The following DLGAP3 variants were observed in gnomAD, a reference collection of about 807,000 sequenced individuals.
The protein encoded by DLGAP3 is DLG associated protein 3.
Under a neutral mutation model 81.2 loss-of-function variants are expected in DLGAP3, and 17 were observed. The observed-to-expected ratio is 0.21, with a 90% CI of 0.14 to 0.31. DLGAP3 has a LOEUF of 0.31. Ranked by LOEUF, DLGAP3 falls within the 10% of genes least tolerant of loss-of-function variation. The pLI, the probability that DLGAP3 is intolerant of heterozygous loss-of-function variation, is 1.00. For missense variants in DLGAP3, 1,124 were observed against 1,388.0 expected (o/e 0.81, Z 3.02); for synonymous variants, 577 against 587.4 (o/e 0.98, Z 0.26).
At chr1:34,917,839 T>C (rs1053773167) in intron 1 of DLGAP3, among the ~76,000 whole-genome samples, 1 of 152,204 alleles carries the variant, frequency 6.6e-6, no homozygotes, top group African/African-American at 2.4e-5. Context: ...GATCCAGTAC[T>C]AGGCCCAGGT....
rs1201791723 is a variant in DLGAP3 at position 34,867,166 on chromosome 1, G to T, written c.2603C>A (p.Thr868Asn). ...SMDPTAFPVPTFQDLAGFWDL... is the reference protein window; with the variant it reads ...SMDPTAFPVPNFQDLAGFWDL... The stretch of plus-strand genomic sequence containing the variant: ...CCAGAAACCCGCCAGGTCCTGGAAG[G>T]TGGGCACAGGGAACGCAGTGGGATC... The change falls in exon 11 of 12, where the codon ACC (threonine) becomes AAC (asparagine). Residue 868 changes from threonine (T) to asparagine (N), a missense_variant. By Grantham distance (65) the Thr-to-Asn change is moderately conservative. This residue lies in a region of DLGAP3 where 133 missense variants were observed against 171.1 expected (regional missense o/e 0.78). Coordinates refer to ENST00000373347, the MANE Select transcript of DLGAP3 (RefSeq NM_001080418.3). This position sits in a 1 kb window ranked among gnomAD's most constrained non-coding sequence, Gnocchi z 4.3. 1.9e-6 allele frequency: 3 copies of T among 1,614,102 alleles called. No homozygotes were observed. In the African/African-American group the frequency reaches 4.0e-5, roughly 22 times the overall value.
intron 8 of DLGAP3, among the ~76,000 whole-genome samples, chr1:34,878,846 G>A (rs1441546266): frequency 6.6e-6 from 1 of 152,042 alleles, no homozygotes; most frequent in Admixed American, 6.6e-5. Flanking sequence ...CGAGGCGGGC[G>A]GATCACGAGG....
chr1:34,912,706 T>C (rs1444365799), intron 1 of DLGAP3, among the ~76,000 whole-genome samples: 1 of 152,126 alleles, frequency 6.6e-6, no homozygotes, highest in Non-Finnish European at 1.5e-5. Context: ...TCCCACAGTT[T>C]TAGGCTTTGT....
chr1:34,890,338 T>G (rs956108339), intron 5 of DLGAP3, among the ~76,000 whole-genome samples: 4 of 152,224 alleles, frequency 2.6e-5, no homozygotes, highest in African/African-American at 9.6e-5. Context: ...AAATTTCCAT[T>G]GAAGGTGAGT....
intron 1 of DLGAP3, among the ~76,000 whole-genome samples, chr1:34,915,860 A>G (rs1390045848): frequency 6.6e-6 from 1 of 152,092 alleles, no homozygotes; most frequent in Non-Finnish European, 1.5e-5. Context: ...TGTCCTCCCA[A>G]CCTTAAACCC....
intron 5 of DLGAP3, among the ~76,000 whole-genome samples, chr1:34,894,772 G>C (rs893401446): frequency 6.6e-6 from 1 of 152,088 alleles, no homozygotes; most frequent in Non-Finnish European, 1.5e-5. Context: ...GGTAAAGTGA[G>C]GAGTAAAAAA....
chr1:34,886,058 G>T lies in DLGAP3; in HGVS notation c.1600+14C>A. 6.3e-7 allele frequency: 1 copy of T among 1,589,522 alleles called. No individual in the cohort carries two copies. The highest frequency in any genetic ancestry group is 8.5e-7 in the Non-Finnish European group (1 of 1,169,606). ...CTGCCTAGGGCCGGGCCAGGGGCAG[G>T]AAGGTGTACTCACAGGAGCCGGGCC... On this transcript the variant is annotated intron_variant, in intron 6 of 11. Transcript: ENST00000373347.
Position 34,904,917 on chromosome 1 carries a change from G to C in DLGAP3, c.467C>G (p.Thr156Arg). The change falls in exon 3 of 12, where the codon ACG (threonine) becomes AGG (arginine). Residue 156 changes from threonine to arginine, a missense_variant. Physicochemically the swap from Thr to Arg is moderately conservative, Grantham distance 71. Around this residue, in one of 9 missense-constraint regions of DLGAP3, gnomAD observed 65 missense variants for 78.2 expected, o/e 0.83. Coordinates refer to ENST00000373347, the MANE Select transcript of DLGAP3 (RefSeq NM_001080418.3). This position sits in a 1 kb window ranked among gnomAD's most constrained non-coding sequence, Gnocchi z 8.1. Reference protein sequence around the residue: ...AGAGPGPAPGTGTAPEPRSES... With the variant: ...AGAGPGPAPGRGTAPEPRSES... ...ACTGCGGGGCTCTGGGGCAGTGCCC[G>C]TCCCTGGCGCTGGCCCGGGCCCTGC... 1 of 1,611,986 alleles carries C rather than the reference G, an allele frequency of 6.2e-7. No individual in the cohort carries two copies. Among genetic ancestry groups the C allele is most frequent in the South Asian group, 1.1e-5 (1 of 91,076 alleles).
chr1:34,899,568 C>T, intron 5 of DLGAP3, 101 bp downstream of exon 5: 1 of 1,064,734 alleles, frequency 9.4e-7, no homozygotes, highest in South Asian at 1.2e-5. Context: ...CAGGCCTGAG[C>T]TCTCTCCACA....
At chr1:34,909,067 G>A (rs1321906128) in intron 1 of DLGAP3, among the ~76,000 whole-genome samples, 2 of 152,220 alleles carry the variant, frequency 1.3e-5, no homozygotes, top group Non-Finnish European at 2.9e-5. Flanking sequence ...CAGCACAAAA[G>A]GCCACTTTGG....
chr1:34,877,969 T>C (rs1419984390), intron 8 of DLGAP3, among the ~76,000 whole-genome samples: 1 of 152,200 alleles, frequency 6.6e-6, no homozygotes, highest in Non-Finnish European at 1.5e-5. Flanking sequence ...AATATATACA[T>C]GGATTAAATA....
At chr1:34,866,591 G>A (rs1638884111) in intron 11 of DLGAP3, among the ~76,000 whole-genome samples, 1 of 152,194 alleles carries the variant, frequency 6.6e-6, no homozygotes. Flanking sequence ...CGACCCGAAG[G>A]AGGGAGTTCC....
chr1:34,912,290 C>T (rs147650389), intron 1 of DLGAP3, among the ~76,000 whole-genome samples: 29 of 152,320 alleles, frequency 1.9e-4, no homozygotes, highest in Non-Finnish European at 3.7e-4. Flanking sequence ...GAAAGACACT[C>T]ACCTGGGGAA....
Position 34,868,762 on chromosome 1 carries a change from C to T in DLGAP3, c.2328G>A (p.Glu776=), listed in dbSNP as rs376879114. ...AGTCGGGGAGGCTACGTGAACCGCG[C>T]TCTATCCAGGAGTCACGGCGGCCGG... ...PGAGRRDSWI[E]RGSRSLPDSG... is the part of the protein sequence containing the mutation. Residue 776 remains glutamate (E), a synonymous_variant, in exon 9 of 12, where the codon GAG becomes GAA. Coordinates refer to ENST00000373347, the MANE Select transcript of DLGAP3 (RefSeq NM_001080418.3). The surrounding 1 kb of genome is among the most constrained non-coding windows in gnomAD (Gnocchi z 7.5). 1.7e-5 allele frequency: 27 copies of T among 1,605,636 alleles called. No individual in the cohort carries two copies. The highest frequency in any genetic ancestry group is 2.0e-5 in the Non-Finnish European group (24 of 1,179,528).
At chr1:34,915,606 CCCT>C (rs1363530897) in intron 1 of DLGAP3, among the ~76,000 whole-genome samples, 2 of 152,220 alleles carry the variant, frequency 1.3e-5, no homozygotes, top group East Asian at 3.9e-4. Flanking sequence ...AAGGCCTGAG[CCCT>C]CCTTCTGAGC....
intron 8 of DLGAP3, among the ~76,000 whole-genome samples, chr1:34,877,296 A>T (rs1639073268): frequency 6.6e-6 from 1 of 152,222 alleles, no homozygotes; most frequent in African/African-American, 2.4e-5. Context: ...CAAAACGCTC[A>T]TGCCAGGGAT....
rs908331316 is a variant in DLGAP3, at chr1:34,869,956, G to A, written c.2001-867C>T. Reference sequence around the variant, plus strand: ...AGTCCAAGCACTTCCCACTGCACCAGCTGCTAGAACATCACAGGAAGAAAT... The same window carrying A: ...AGTCCAAGCACTTCCCACTGCACCAACTGCTAGAACATCACAGGAAGAAAT... On this transcript the variant is annotated intron_variant, in intron 8 of 11. Coordinates refer to ENST00000373347, the MANE Select transcript of DLGAP3 (RefSeq NM_001080418.3). Among the ~76,000 whole-genome samples, 4 of 152,198 alleles carry A rather than the reference G, an allele frequency of 2.6e-5. No homozygotes were observed. The East Asian group carries it at 7.7e-4, about 29-fold the overall frequency.
In DLGAP3 at chr1:34,905,325, T is replaced by C. The variant is rs1471630213; in HGVS notation, c.59A>G (p.Gln20Arg). Residue 20 changes from glutamine to arginine, a missense_variant, in exon 3 of 12, where the codon CAA becomes CGA. Around this residue, in one of 9 missense-constraint regions of DLGAP3, gnomAD observed 167 missense variants for 172.1 expected, o/e 0.97. Transcript: ENST00000373347. The part of the protein sequence containing the change: ...SHPRPARFAD[Q>R]QHMDVGPAAR... ...AGCAGGGCCCACGTCCATATGCTGT[T>C]GGTCAGCAAAGCGGGCTGGGCGGGG... 2.6e-6 allele frequency: 4 copies of C among 1,562,650 alleles called. No homozygotes were observed. Among genetic ancestry groups the C allele is most frequent in the Middle Eastern group, 1.7e-4 (1 of 5,718 alleles).
At position 34,905,449 on chromosome 1, in the gene DLGAP3, A is replaced by G. The variant is rs1256561185; in HGVS notation, c.-51-15T>C. 1 of 1,493,358 alleles carries G rather than the reference A, an allele frequency of 6.7e-7. No homozygotes were observed. Among genetic ancestry groups the G allele is most frequent in the African/African-American group, 1.4e-5 (1 of 70,746 alleles). The allele number at this position is 1,493,358 out of a possible 1,614,324, so 92.5% of individuals were successfully genotyped here. On this transcript the variant is annotated splice_polypyrimidine_tract_variant and intron_variant, in intron 2 of 11. Transcript: ENST00000373347. ...CCAGGAACCTCCTGGAAAAATAGGG[A>G]GAAAAGGTATTTGAATTGAACAGCC... is the stretch of plus-strand genomic sequence containing the variant.
Sources: allele counts gnomAD v4.1 joint callset (sites outside exome capture counted in the v4.1 genomes callset), GRCh38; gene constraint gnomAD v4.1.1; regional missense constraint gnomAD v4.1.1; non-coding constraint Gnocchi (gnomAD v3.1); transcripts MANE v1.5; gene names NCBI Gene and HGNC (gene_info 2026-07-23, HGNC 2026-07-21).